Variants in DIP2A observed in about 807,000 individuals in gnomAD.
DIP2A encodes the protein disco-interacting protein 2 homolog A.
DIP2A carries 85 observed loss-of-function variants against 177.4 expected under a neutral mutation model. That is an observed-to-expected ratio of 0.48 (90% CI 0.40 to 0.57). The LOEUF (loss-of-function observed/expected upper bound fraction) is 0.57. Among genes scored for constraint, DIP2A ranks in the 20% least tolerant of loss-of-function variants. The probability of loss-of-function intolerance (pLI) is 0.00; values close to 1 mark genes in which losing one functional copy is unlikely to be tolerated. For synonymous variants in DIP2A, 886 were observed against 881.8 expected (o/e 1.00, Z -0.08); for missense variants, 1,791 against 2,100.2 (o/e 0.85, Z 2.88).
chr21:46,554,271 G>A lies in DIP2A; in HGVS notation c.3133G>A (p.Val1045Met). 1 of 1,613,952 alleles carries A rather than the reference G, an allele frequency of 6.2e-7. No homozygotes were observed. Among genetic ancestry groups the A allele is most frequent in the Non-Finnish European group, 8.5e-7 (1 of 1,179,852 alleles). ...GGGAAGACTGAGTGTTGGGGACCAT[G>A]TGGCTCTGGTCTACCCACCAGGTGG... ...EKGRLSVGDH[V>M]ALVYPPGVDL... The change falls in exon 26 of 38, where the codon GTG becomes ATG. Residue 1045 changes from valine to methionine, a missense_variant. Val to Met is a conservative substitution (Grantham distance 21). Coordinates refer to ENST00000417564, the MANE Select transcript of DIP2A (RefSeq NM_015151.4).
At chr21:46,493,428 CT>C (rs1044023543) in intron 3 of DIP2A, among the ~76,000 whole-genome samples, 1 of 152,036 alleles carries the variant, frequency 6.6e-6, no homozygotes, top group African/African-American at 2.4e-5. Context: ...TCGTGAGTGC[CT>C]TTTTCCATGA....
intron 8 of DIP2A, among the ~76,000 whole-genome samples, chr21:46,522,924 T>TA (rs2058889757): frequency 6.6e-6 from 1 of 151,466 alleles, no homozygotes; most frequent in African/African-American, 2.4e-5. Context: ...TTTAATTAAT[T>TA]TAAAAAAATT....
chr21:46,572,750 A>G (rs1308016785), downstream of DIP2A, among the ~76,000 whole-genome samples: 1 of 152,216 alleles, frequency 6.6e-6, no homozygotes, highest in Non-Finnish European at 1.5e-5. Context: ...CTTATAATGT[A>G]GCCAATTTCA....
chr21:46,570,134 A>AG (rs1476420382), downstream of DIP2A, among the ~76,000 whole-genome samples: 2 of 152,220 alleles, frequency 1.3e-5, no homozygotes, highest in Non-Finnish European at 2.9e-5. Flanking sequence ...CAGTGAGCCC[A>AG]GATGCACGTT....
At chr21:46,554,786 G>GGGGGGGGGGGGGGGCCCCC in intron 27 of DIP2A, 36 bp from the exon 28 acceptor site, 1 of 1,519,072 alleles carries the variant, frequency 6.6e-7, no homozygotes, top group Non-Finnish European at 8.8e-7. Flanking sequence ...AGCTTGAGAG[G>GGGGGGGGGGGGGGGCCCCC]CCCCGCCCAC....
chr21:46,506,778 TTTTCTTTC>T (rs1568994943), intron 6 of DIP2A, among the ~76,000 whole-genome samples: 1 of 128,174 alleles, frequency 7.8e-6, no homozygotes, highest in Admixed American at 8.3e-5. Flanking sequence ...CTTTCTTTTC[TTTTCTTTC>T]TTTTCTTTCT....
chr21:46,514,209 C>T (rs1010906927), intron 8 of DIP2A, among the ~76,000 whole-genome samples: 1 of 151,988 alleles, frequency 6.6e-6, no homozygotes, highest in African/African-American at 2.4e-5. Context: ...CCGAGGCAGG[C>T]GGATCATGAG....
chr21:46,486,534 C>G (rs1347277321), intron 2 of DIP2A, among the ~76,000 whole-genome samples: 2 of 152,124 alleles, frequency 1.3e-5, no homozygotes, highest in African/African-American at 4.8e-5. Flanking sequence ...GAAAGTCTCC[C>G]AACATGATAA....
At chr21:46,546,233 G>A in intron 20 of DIP2A, 3 of 1,275,764 alleles carry the variant, frequency 2.4e-6, no homozygotes, top group Non-Finnish European at 2.0e-6. Context: ...TGGCAGGTTT[G>A]TGAGTATTCA....
intron 17 of DIP2A, among the ~76,000 whole-genome samples, chr21:46,541,123 A>G (rs2059800237): frequency 6.6e-6 from 1 of 151,398 alleles, no homozygotes; most frequent in African/African-American, 2.4e-5. Context: ...TTCTATGGTG[A>G]TTTGTTTTGC....
Position 46,532,162 on chromosome 21 carries a change from G to A in DIP2A, c.1230G>A (p.Met410Ile), listed in dbSNP as rs778489055. 5.0e-6 allele frequency: 8 copies of A among 1,613,910 alleles called. No individual in the cohort carries two copies. Among genetic ancestry groups the A allele is most frequent in the Non-Finnish European group, 6.8e-6 (8 of 1,179,844 alleles). ...ALVFPNSDPV[M>I]FMVAFYGCLL... The stretch of plus-strand genomic sequence containing the variant: ...TGTTTCCGAATAGTGACCCTGTGAT[G>A]TTCATGGTTGCATTTTATGGGTGTC... Residue 410 changes from methionine to isoleucine, a missense_variant, in exon 10 of 38, where the codon ATG becomes ATA. Transcript: ENST00000417564.
chr21:46,555,204 T>G (rs2070790907), intron 28 of DIP2A, among the ~76,000 whole-genome samples: 1 of 152,174 alleles, frequency 6.6e-6, no homozygotes, highest in African/African-American at 2.4e-5. Context: ...CCTACTGGCA[T>G]GGGGGCTGGC....
intron 12 of DIP2A, 116 bp from the exon 13 acceptor site, chr21:46,534,469 A>G: frequency 2.0e-6 from 2 of 1,004,902 alleles, no homozygotes; most frequent in Non-Finnish European, 2.9e-6. Context: ...TTAGAGGCCG[A>G]TGGTTAGAGG....
intron 34 of DIP2A, among the ~76,000 whole-genome samples, chr21:46,562,606 A>G (rs893901395): frequency 5.3e-5 from 8 of 152,158 alleles, no homozygotes; most frequent in Admixed American, 5.2e-4. Flanking sequence ...GACAGAAGGC[A>G]CAGCTGCTGT....
downstream of DIP2A, among the ~76,000 whole-genome samples, chr21:46,570,406 C>T (rs1043686042): frequency 1.3e-5 from 2 of 152,146 alleles, no homozygotes; most frequent in African/African-American, 2.4e-5. Flanking sequence ...GTGTTCATGG[C>T]CATTTTTAGT....
chr21:46,482,796 C>T (rs978723495), intron 1 of DIP2A, among the ~76,000 whole-genome samples: 2 of 152,144 alleles, frequency 1.3e-5, no homozygotes, highest in Non-Finnish European at 2.9e-5. Context: ...ATCTGTGATC[C>T]TAAGTGAGAT....
intron 2 of DIP2A, among the ~76,000 whole-genome samples, chr21:46,487,596 T>C (rs955094692): frequency 6.6e-6 from 1 of 152,210 alleles, no homozygotes; most frequent in African/African-American, 2.4e-5. Context: ...CAAAAACTCA[T>C]GTGACTGCTC....
At chr21:46,571,140 AG>A (rs2060959399), downstream of DIP2A, among the ~76,000 whole-genome samples, 1 of 152,174 alleles carries the variant, frequency 6.6e-6, no homozygotes, top group Non-Finnish European at 1.5e-5. Context: ...AGATTTTCAT[AG>A]GCATGCAAGC....
At chr21:46,564,594 G>A (rs937781499) in intron 35 of DIP2A, among the ~76,000 whole-genome samples, 10 of 152,202 alleles carry the variant, frequency 6.6e-5, no homozygotes, top group African/African-American at 2.4e-4. Context: ...AAGGACTCAC[G>A]TTCCTAGTCC....
Sources: gnomAD v4.1 joint callset for allele counts (sites outside exome capture counted in the v4.1 genomes callset) on GRCh38, gnomAD v4.1.1 for gene constraint, MANE v1.5 for transcripts, NCBI Gene and HGNC (gene_info 2026-07-23, HGNC 2026-07-21) for gene names.